Variants in DCC observed in about 807,000 individuals in gnomAD.
DCC encodes the protein netrin receptor DCC.
A neutral mutation model predicts 172.5 loss-of-function variants in DCC; 58 were observed. The ratio of observed to expected loss-of-function variants is 0.34; its 90% CI spans 0.27 to 0.42. The LOEUF is 0.42. Ranked by LOEUF, DCC falls within the 10% of genes least tolerant of loss-of-function variation. The pLI is 1.00. For synonymous variants in DCC, 709 were observed against 644.5 expected (o/e 1.10, Z -1.52); for missense variants, 1,740 against 1,791.0 (o/e 0.97, Z 0.51).
intron 1 of DCC, among the ~76,000 whole-genome samples, chr18:52,600,481 T>C (rs2033994824): frequency 6.6e-6 from 1 of 152,228 alleles, no homozygotes; most frequent in Non-Finnish European, 1.5e-5. Flanking sequence ...TTTTTGCCTT[T>C]TTAACATTTT....
At chr18:52,535,309 G>A (rs1225229813) in intron 1 of DCC, among the ~76,000 whole-genome samples, 1 of 152,176 alleles carries the variant, frequency 6.6e-6, no homozygotes, top group African/African-American at 2.4e-5. Flanking sequence ...AGCCTGGAAC[G>A]TGGAGCACTC....
chr18:52,737,837 A>G (rs1389256155), intron 1 of DCC, among the ~76,000 whole-genome samples: 1 of 152,134 alleles, frequency 6.6e-6, no homozygotes, highest in African/African-American at 2.4e-5. Context: ...TAAAGCTTAT[A>G]AATGCTAAAT....
chr18:53,016,131 A>C (rs895861222), intron 5 of DCC, among the ~76,000 whole-genome samples: 2 of 152,096 alleles, frequency 1.3e-5, no homozygotes, highest in African/African-American at 2.4e-5. Context: ...TTGTCTGTCC[A>C]TCTTCTCAAG....
At chr18:53,365,830 T>A (rs960917623) in intron 15 of DCC, among the ~76,000 whole-genome samples, 4 of 152,200 alleles carry the variant, frequency 2.6e-5, no homozygotes, top group African/African-American at 9.6e-5. Flanking sequence ...AACATGAATA[T>A]CTTTCACATT....
At chr18:53,127,143 T>C (rs1468080679) in intron 7 of DCC, among the ~76,000 whole-genome samples, 1 of 151,804 alleles carries the variant, frequency 6.6e-6, no homozygotes, top group Non-Finnish European at 1.5e-5. Context: ...GTTGTTTTTT[T>C]TTTTTTTTCA....
At chr18:53,363,999 T>C (rs1296139046) in intron 15 of DCC, among the ~76,000 whole-genome samples, 4 of 152,232 alleles carry the variant, frequency 2.6e-5, no homozygotes, top group Non-Finnish European at 5.9e-5. Context: ...TGGATAAGTC[T>C]GTTAAGTTAA....
chr18:52,414,891 A>G (rs1231522813), intron 1 of DCC, among the ~76,000 whole-genome samples: 2 of 152,222 alleles, frequency 1.3e-5, no homozygotes, highest in Non-Finnish European at 2.9e-5. Flanking sequence ...GACAGGGAAA[A>G]CTAGTTGGCA....
At chr18:53,347,301 C>T (rs957316135) in intron 15 of DCC, among the ~76,000 whole-genome samples, 14 of 152,080 alleles carry the variant, frequency 9.2e-5, no homozygotes, top group South Asian at 2.1e-4. Context: ...TTCCAAAATC[C>T]GCCTAGTTTT....
chr18:52,901,251 G>T (rs1022285173), intron 2 of DCC, among the ~76,000 whole-genome samples: 1 of 152,104 alleles, frequency 6.6e-6, no homozygotes, highest in Admixed American at 6.5e-5. Context: ...TGGCCAACAT[G>T]GTGAAACCCT....
chr18:52,404,180 C>A (rs549271576), intron 1 of DCC, among the ~76,000 whole-genome samples: 17 of 151,862 alleles, frequency 1.1e-4, no homozygotes, highest in African/African-American at 1.7e-4. Flanking sequence ...TTAATATTTC[C>A]CTGAACTCTA....
chr18:53,385,992 T>G, intron 15 of DCC, 51 bp from the exon 16 acceptor site: 1 of 1,210,882 alleles, frequency 8.3e-7, no homozygotes, highest in African/African-American at 1.5e-5. Flanking sequence ...TTGAGTATTT[T>G]GATACATTAA....
intron 12 of DCC, among the ~76,000 whole-genome samples, chr18:53,224,730 T>G (rs2055997640): frequency 6.6e-6 from 1 of 152,014 alleles, no homozygotes; most frequent in Non-Finnish European, 1.5e-5. Context: ...GGATATAGAG[T>G]AGATTTTTGG....
chr18:52,353,391 A>C (rs1984214407), intron 1 of DCC, among the ~76,000 whole-genome samples: 1 of 152,120 alleles, frequency 6.6e-6, no homozygotes. Flanking sequence ...AAAAAGAAAG[A>C]CACATAAAAG....
intron 1 of DCC, among the ~76,000 whole-genome samples, chr18:52,546,351 G>A (rs1444597831): frequency 6.6e-6 from 1 of 152,102 alleles, no homozygotes; most frequent in Non-Finnish European, 1.5e-5. Flanking sequence ...AAAGAAGAAA[G>A]ATCAAAGCCA....
chr18:53,013,146 T>G (rs1380159012), intron 5 of DCC, among the ~76,000 whole-genome samples: 3 of 152,100 alleles, frequency 2.0e-5, no homozygotes, highest in African/African-American at 7.2e-5. Flanking sequence ...GTTCAACCAT[T>G]GTGGAAGACA....
intron 1 of DCC, among the ~76,000 whole-genome samples, chr18:52,638,033 A>G (rs2034815837): frequency 6.6e-6 from 1 of 152,196 alleles, no homozygotes. Flanking sequence ...AAACAAAACA[A>G]TTATCAGGCA....
chr18:52,906,764 TATA>T (rs1484397915), intron 3 of DCC, among the ~76,000 whole-genome samples: 42 of 151,968 alleles, frequency 2.8e-4, no homozygotes, highest in African/African-American at 9.4e-4. Flanking sequence ...ATATGATACA[TATA>T]GATATATATA....
intron 22 of DCC, among the ~76,000 whole-genome samples, chr18:53,448,921 T>C (rs1186292534): frequency 6.6e-6 from 1 of 152,194 alleles, no homozygotes; most frequent in East Asian, 1.9e-4. Flanking sequence ...ATATTATAAA[T>C]TTAGGCAACA....
At chr18:53,070,550 C>A (rs967280247) in intron 7 of DCC, among the ~76,000 whole-genome samples, 5 of 152,106 alleles carry the variant, frequency 3.3e-5, no homozygotes, top group African/African-American at 1.2e-4. Flanking sequence ...CCACTTGGGC[C>A]CTGATTTGTT....
Sources: allele counts gnomAD v4.1 joint callset (sites outside exome capture counted in the v4.1 genomes callset), GRCh38; gene constraint gnomAD v4.1.1; transcripts MANE v1.5; gene names NCBI Gene and HGNC (gene_info 2026-07-23, HGNC 2026-07-21).